Variants in TNFSF10 observed in about 807,000 individuals in gnomAD.
The protein encoded by TNFSF10 is TNF superfamily member 10, also known as tumor necrosis factor ligand superfamily member 10.
A neutral mutation model predicts 29.5 loss-of-function variants in TNFSF10; 13 were observed. The observed-to-expected ratio is 0.44, with a 90% confidence interval of 0.29 to 0.70. The LOEUF is 0.70. Ranked by LOEUF, TNFSF10 falls within the 30% of genes least tolerant of loss-of-function variation. The probability of loss-of-function intolerance (pLI) is 0.13; values close to 1 mark genes in which losing one functional copy is unlikely to be tolerated. For synonymous variants in TNFSF10, 111 were observed against 112.8 expected, an observed-to-expected ratio of 0.98 and a Z score of 0.10; for missense variants, 345 against 330.9, an observed-to-expected ratio of 1.04 and a Z score of -0.33.
At position 172,522,414 on chromosome 3, in the gene TNFSF10, C is replaced by T. The variant is rs374486534; in HGVS notation, c.132+839G>A. On this transcript the variant is annotated intron_variant, in intron 1 of 4. Transcript: ENST00000241261. ...TGCTACTGCTGTGGAACAGATTTAC[C>T]CATTTGTGTTTGAAAGCAGGAAAGA... is the stretch of plus-strand genomic sequence containing the variant. 166 of 1,526,428 alleles carry T rather than the reference C, an allele frequency of 1.1e-4. 2 individuals carry two copies. In the African/African-American group the frequency reaches 1.9e-3, roughly 17 times the overall value. 94.6% of individuals were successfully genotyped at this position (1,526,428 alleles called of 1,614,324 possible).
chr3:172,508,228 A>G (rs1241638959), intron 4 of TNFSF10, among the ~76,000 whole-genome samples: 1 of 151,770 alleles, frequency 6.6e-6, no homozygotes, highest in Non-Finnish European at 1.5e-5. Context: ...CTGGGAGGCA[A>G]AGGTTGCAGT....
In TNFSF10 at chr3:172,506,408, A is replaced by T; in HGVS notation, c.*84T>A. On this transcript the variant is annotated 3_prime_UTR_variant, in exon 5 of 5. Transcript: ENST00000241261. ...TGTTTTCTGTTTGTTTGTTTTGGTCAGATTTTTTGAAACATCTTCATAGTG... is the reference window on the plus strand; with the variant it reads ...TGTTTTCTGTTTGTTTGTTTTGGTCTGATTTTTTGAAACATCTTCATAGTG... The T allele has an allele frequency of 6.8e-7, 1 of 1,461,346 alleles. No homozygotes were observed. Among genetic ancestry groups the T allele is most frequent in the Non-Finnish European group, 9.2e-7 (1 of 1,092,706 alleles). 90.5% of individuals were successfully genotyped at this position (1,461,346 alleles called of 1,614,324 possible).
chr3:172,522,321 C>CT, intron 1 of TNFSF10: 4 of 866,796 alleles, frequency 4.6e-6, no homozygotes, highest in Non-Finnish European at 7.9e-6. Flanking sequence ...GATAAAGACT[C>CT]TAAGAGCTAC....
chr3:172,511,472 A>C (rs1713221409), intron 3 of TNFSF10, 145 bp downstream of exon 3: 1 of 585,914 alleles, frequency 1.7e-6, no homozygotes, highest in Admixed American at 3.6e-5. Flanking sequence ...AGGGAAGTAG[A>C]ATCAACAAGT....
chr3:172,518,556 G>A lies in TNFSF10; in HGVS notation c.133-3558C>T, dbSNP rs577698335. Reference sequence around the variant, plus strand: ...CCCATCTATGATGTCACAGTGACAGGCCATTCCTTTATCATAAAACTTTCT... The same window carrying A: ...CCCATCTATGATGTCACAGTGACAGACCATTCCTTTATCATAAAACTTTCT... On this transcript the variant is annotated intron_variant, in intron 1 of 4. Coordinates refer to ENST00000241261, the MANE Select transcript of TNFSF10 (RefSeq NM_003810.4). The A allele has an allele frequency of 6.0e-4, 608 of 1,020,924 alleles. 4 individuals are homozygous for A. The highest frequency in any genetic ancestry group is 2.1e-3 in the South Asian group (150 of 72,228). The allele number at this position is 1,020,924 out of a possible 1,614,324, so 63.2% of individuals were successfully genotyped here.
At chr3:172,522,171 C>A in intron 1 of TNFSF10, 1 of 357,460 alleles carries the variant, frequency 2.8e-6, no homozygotes, top group Non-Finnish European at 5.4e-6. Flanking sequence ...AACAAACCTG[C>A]ACGTTCTGTA....
Position 172,511,600 on chromosome 3 carries a change from A to T in TNFSF10, c.313+17T>A. ...GATGACAGTAAAAAATTAAAATAACAACAAAAAAGATACTACCTTGAACTG... is the reference window on the plus strand; with the variant it reads ...GATGACAGTAAAAAATTAAAATAACTACAAAAAAGATACTACCTTGAACTG... On this transcript the variant is annotated intron_variant, in intron 3 of 4. Transcript: ENST00000241261. 1.3e-6 allele frequency: 2 copies of T among 1,598,902 alleles called. No homozygotes were observed. Among genetic ancestry groups the T allele is most frequent in the Non-Finnish European group, 1.7e-6 (2 of 1,173,488 alleles).
chr3:172,518,166 G>A (rs1713519498), intron 1 of TNFSF10: 4 of 1,092,930 alleles, frequency 3.7e-6, no homozygotes, highest in African/African-American at 1.7e-5. Context: ...AACCACACTT[G>A]GGCATTGGGG....
chr3:172,520,882 C>T (rs1235052791), intron 1 of TNFSF10, among the ~76,000 whole-genome samples: 1 of 152,112 alleles, frequency 6.6e-6, no homozygotes, highest in Non-Finnish European at 1.5e-5. Flanking sequence ...AGAACAGAGG[C>T]CTCAGAAATA....
intron 1 of TNFSF10, among the ~76,000 whole-genome samples, chr3:172,522,970 A>G (rs1253781469): frequency 6.6e-6 from 1 of 152,208 alleles, no homozygotes; most frequent in East Asian, 1.9e-4. Flanking sequence ...TGATATTATA[A>G]AATACACATA....
At chr3:172,515,267 A>G (rs1288181631) in intron 1 of TNFSF10, among the ~76,000 whole-genome samples, 3 of 152,030 alleles carry the variant, frequency 2.0e-5, no homozygotes, top group Non-Finnish European at 4.4e-5. Context: ...CTCCCTTACT[A>G]AACAGCTGTG....
chr3:172,509,063 G>A, intron 4 of TNFSF10, 154 bp downstream of exon 4: 1 of 488,948 alleles, frequency 2.0e-6, no homozygotes, highest in Non-Finnish European at 3.5e-6. Flanking sequence ...CTGTAATCTT[G>A]CATCTGAAAA....
Position 172,508,606 on chromosome 3 carries a change from A to C in TNFSF10, c.418+611T>G, listed in dbSNP as rs527296920. ...ATGGAAGAAGTAATCATAAGAGAGAAAGGCTGGGTGCAGTGGCTCACACCT... is the reference window on the plus strand; with the variant it reads ...ATGGAAGAAGTAATCATAAGAGAGACAGGCTGGGTGCAGTGGCTCACACCT... On this transcript the variant is annotated intron_variant, in intron 4 of 4. Coordinates refer to ENST00000241261, the MANE Select transcript of TNFSF10 (RefSeq NM_003810.4). 2.6e-5 allele frequency among the ~76,000 whole-genome samples: 4 copies of C among 151,898 alleles called. No individual in the cohort carries two copies. In the South Asian group the frequency reaches 8.3e-4, roughly 32 times the overall value.
chr3:172,522,687 T>C (rs1286909017), intron 1 of TNFSF10, among the ~76,000 whole-genome samples: 2 of 152,248 alleles, frequency 1.3e-5, no homozygotes, highest in Admixed American at 1.3e-4. Context: ...CTATTTATTT[T>C]CGCAGGAATT....
rs772921946 is a variant in TNFSF10 at position 172,515,046 on chromosome 3, A to G, written c.133-48T>C. 1.9e-6 allele frequency: 3 copies of G among 1,609,686 alleles called. No individual in the cohort carries two copies. The South Asian group carries it at 3.3e-5, about 18-fold the overall frequency. The stretch of plus-strand genomic sequence containing the variant: ...ACAATATTTTGCATAAGTGCTTTTT[A>G]TTTTTGTTCATTTGGAAGTTAAGAC... On this transcript the variant is annotated intron_variant, in intron 1 of 4. Transcript: ENST00000241261.
intron 4 of TNFSF10, among the ~76,000 whole-genome samples, chr3:172,508,135 A>T (rs1713065529): frequency 6.6e-6 from 1 of 151,844 alleles, no homozygotes; most frequent in Non-Finnish European, 1.5e-5. Flanking sequence ...GCTGAGGTCA[A>T]GAGTTTGAGA....
intron 2 of TNFSF10, among the ~76,000 whole-genome samples, chr3:172,513,826 C>T (rs2108447132): frequency 6.9e-6 from 1 of 144,160 alleles, no homozygotes; most frequent in Middle Eastern, 3.5e-3. Flanking sequence ...TTCACATAGG[C>T]AGAAGCAATT....
rs1015573293 is a variant in TNFSF10 at position 172,517,234 on chromosome 3, C to A, written c.133-2236G>T. The stretch of plus-strand genomic sequence containing the variant: ...ACTTATCAACTGAGGTGGAGTTTGA[C>A]AAGGATGGTCGTGGTGGAGCTTGTG... On this transcript the variant is annotated intron_variant, in intron 1 of 4. Coordinates refer to ENST00000241261, the MANE Select transcript of TNFSF10 (RefSeq NM_003810.4). The A allele has an allele frequency of 4.3e-5, 31 of 713,728 alleles. No individual in the cohort carries two copies. The African/African-American group carries it at 6.0e-4, about 14-fold the overall frequency. 44.2% of individuals were successfully genotyped at this position (713,728 alleles called of 1,614,324 possible). A position where few individuals can be genotyped will look rare whatever the true frequency, so the allele number is the denominator to read the frequency against.
At chr3:172,516,490 T>A (rs1321586661) in intron 1 of TNFSF10, among the ~76,000 whole-genome samples, 1 of 152,234 alleles carries the variant, frequency 6.6e-6, no homozygotes, top group Non-Finnish European at 1.5e-5. Flanking sequence ...CTCAGCCATG[T>A]AACCCTTGGA....
Sources: allele counts gnomAD v4.1 joint callset (sites outside exome capture counted in the v4.1 genomes callset), GRCh38; gene constraint gnomAD v4.1.1; transcripts MANE v1.5; gene names NCBI Gene and HGNC (gene_info 2026-07-23, HGNC 2026-07-21).